DOCK8: variants seen among roughly 807,000 people sequenced by gnomAD.
DOCK8 encodes dedicator of cytokinesis 8.
Under a neutral mutation model 245.6 loss-of-function variants are expected in DOCK8, and 141 were observed. The ratio of observed to expected loss-of-function variants is 0.57; its 90% confidence interval spans 0.50 to 0.66. The LOEUF (loss-of-function observed/expected upper bound fraction) is 0.66. Ranked by LOEUF, DOCK8 falls within the 30% of genes least tolerant of loss-of-function variation. The pLI is 0.00. For synonymous variants in DOCK8, 1,168 were observed against 970.2 expected (o/e 1.20, Z -3.79); for missense variants, 2,965 against 2,603.4 (o/e 1.14, Z -3.02).
At chr9:413,173 C>T (rs2055825487) in intron 28 of DOCK8, among the ~76,000 whole-genome samples, 1 of 152,068 alleles carries the variant, frequency 6.6e-6, no homozygotes, top group African/African-American at 2.4e-5. Flanking sequence ...ATAGAATTTT[C>T]AATAAATGGT....
chr9:438,917 T>G (rs918187273), intron 39 of DOCK8, among the ~76,000 whole-genome samples: 1 of 152,228 alleles, frequency 6.6e-6, no homozygotes, highest in African/African-American at 2.4e-5. Context: ...GGTCTTTGCC[T>G]TTTGAAAACC....
At chr9:220,970 T>A (rs372494919) in intron 1 of DOCK8, 1 of 199,194 alleles carries the variant, frequency 5.0e-6, no homozygotes, top group East Asian at 1.7e-4. Flanking sequence ...AGAAAGGCTC[T>A]CTGGGCTCTA....
At chr9:425,250 G>T (rs539617710) in intron 33 of DOCK8, among the ~76,000 whole-genome samples, 38 of 152,088 alleles carry the variant, frequency 2.5e-4, no homozygotes, top group African/African-American at 8.9e-4. Context: ...GGATGATAAG[G>T]GGCCGGGCAC....
At chr9:357,722 C>A (rs769438363) in intron 14 of DOCK8, among the ~76,000 whole-genome samples, 1 of 152,166 alleles carries the variant, frequency 6.6e-6, no homozygotes, top group African/African-American at 2.4e-5. Flanking sequence ...TACTAAGGGG[C>A]AAGCTGCTGC....
chr9:274,096 C>G (rs916548354), intron 2 of DOCK8, among the ~76,000 whole-genome samples: 1 of 152,164 alleles, frequency 6.6e-6, no homozygotes, highest in Non-Finnish European at 1.5e-5. Context: ...TGCTTAATAT[C>G]TGTAAGCATT....
At chr9:254,330 A>T (rs994902186) in intron 1 of DOCK8, among the ~76,000 whole-genome samples, 2 of 152,178 alleles carry the variant, frequency 1.3e-5, no homozygotes, top group Non-Finnish European at 2.9e-5. Flanking sequence ...AAAATGAATA[A>T]TTCCCAACTC....
intron 37 of DOCK8, among the ~76,000 whole-genome samples, chr9:433,358 C>T (rs2056785150): frequency 6.6e-6 from 1 of 152,162 alleles, no homozygotes; most frequent in African/African-American, 2.4e-5. Context: ...TAGATCAAGC[C>T]ATAGTCTCTC....
chr9:450,921 A>G (rs1348451237), intron 45 of DOCK8, among the ~76,000 whole-genome samples: 1 of 151,640 alleles, frequency 6.6e-6, no homozygotes, highest in Non-Finnish European at 1.5e-5. Context: ...GGCAATCCTG[A>G]TTTTTAGAAA....
intron 5 of DOCK8, among the ~76,000 whole-genome samples, chr9:305,285 C>CTT (rs1195314904): frequency 6.9e-6 from 1 of 145,488 alleles, no homozygotes. Context: ...TATTCTTTTT[C>CTT]TTTTTTTTTT....
chr9:359,776 T>C lies in DOCK8; in HGVS notation c.1680-8242T>C, dbSNP rs367674271. ...GCAGTTGGCTTTGCTGCATTTCCAC[T>C]TCATCAATTTTTTGGCTCTGTCTTT... On this transcript the variant is annotated intron_variant, in intron 14 of 47. Transcript: ENST00000432829. 4.7e-5 allele frequency among the ~76,000 whole-genome samples: 7 copies of C among 147,762 alleles called. No homozygotes were observed. The East Asian group carries it at 9.8e-4, about 21-fold the overall frequency.
intron 36 of DOCK8, among the ~76,000 whole-genome samples, chr9:430,441 G>A (rs899043066): frequency 6.6e-6 from 1 of 151,906 alleles, no homozygotes; most frequent in African/African-American, 2.4e-5. Flanking sequence ...TAGCACTTCG[G>A]GAGGCCAAGG....
chr9:233,822 G>A (rs1395816056), intron 1 of DOCK8, among the ~76,000 whole-genome samples: 1 of 151,974 alleles, frequency 6.6e-6, no homozygotes, highest in Non-Finnish European at 1.5e-5. Context: ...CCTGAATACA[G>A]CACACTGATG....
At chr9:388,763 C>A (rs1215616627) in intron 23 of DOCK8, among the ~76,000 whole-genome samples, 1 of 150,684 alleles carries the variant, frequency 6.6e-6, no homozygotes, top group African/African-American at 2.5e-5. Context: ...CCATGTTGAC[C>A]AGGCTCGTCT....
intron 1 of DOCK8, chr9:268,151 A>T (rs2048076728): frequency 2.0e-5 from 3 of 152,244 alleles, no homozygotes; most frequent in African/African-American, 7.2e-5. Flanking sequence ...AAGTTCTTCA[A>T]ATGATATGAA....
At chr9:298,593 T>C (rs977728959) in intron 4 of DOCK8, among the ~76,000 whole-genome samples, 1 of 150,804 alleles carries the variant, frequency 6.6e-6, no homozygotes, top group African/African-American at 2.4e-5. Flanking sequence ...AACTTGAGGA[T>C]AATGGAAACA....
intron 14 of DOCK8, among the ~76,000 whole-genome samples, chr9:366,813 G>A (rs552833359): frequency 6.6e-6 from 1 of 152,276 alleles, no homozygotes; most frequent in South Asian, 2.1e-4. Context: ...CTAGGGCTCT[G>A]TGGGACAGGC....
intron 39 of DOCK8, 39 bp downstream of exon 39, chr9:435,014 T>A: frequency 6.2e-7 from 1 of 1,606,992 alleles, no homozygotes; most frequent in Non-Finnish European, 8.5e-7. Flanking sequence ...GCAGTGGTTC[T>A]CAACTGGGGC....
intron 7 of DOCK8, among the ~76,000 whole-genome samples, chr9:317,376 T>A (rs1483551097): frequency 6.6e-6 from 1 of 152,142 alleles, no homozygotes; most frequent in African/African-American, 2.4e-5. Flanking sequence ...GTTAGGCAGG[T>A]AAGGTCATTG....
intron 37 of DOCK8, among the ~76,000 whole-genome samples, chr9:433,602 C>T (rs979872660): frequency 6.6e-6 from 1 of 152,154 alleles, no homozygotes; most frequent in African/African-American, 2.4e-5. Flanking sequence ...CTGGTTCAAA[C>T]TAATTTAAAC....
Sources: gnomAD v4.1 joint callset for allele counts (sites outside exome capture counted in the v4.1 genomes callset) on GRCh38, gnomAD v4.1.1 for gene constraint, MANE v1.5 for transcripts, NCBI Gene and HGNC (gene_info 2026-07-23, HGNC 2026-07-21) for gene names.